Variants in RUFY3 observed in about 807,000 individuals in gnomAD.
The protein encoded by RUFY3 is RUN and FYVE domain containing 3.
A neutral mutation model predicts 84.0 loss-of-function variants in RUFY3; 34 were observed. The ratio of observed to expected loss-of-function variants is 0.40; its 90% CI spans 0.31 to 0.54. The LOEUF is 0.54. RUFY3 is among the 20% of genes least tolerant of loss of function. The pLI is 0.39. For missense variants in RUFY3, 507 were observed against 736.8 expected (o/e 0.69, Z 3.61); for synonymous variants, 242 against 252.9 (o/e 0.96, Z 0.41).
At position 70,804,359 on chromosome 4, in the gene RUFY3, G is replaced by C; in HGVS notation, c.1662G>C (p.Leu554=). 6.2e-7 allele frequency: 1 copy of C among 1,613,984 alleles called. No homozygotes were observed. Among genetic ancestry groups the C allele is most frequent in the Admixed American group, 1.7e-5 (1 of 60,016 alleles). ...PHPMDEQDQL[L]LSEKPQLCQL... The stretch of plus-strand genomic sequence containing the variant: ...CCTGTGTGGTTTAGGATCAGCTGCT[G>C]CTCTCTGAAAAGCCACAGTTGTGTC... Residue 554 remains leucine (L), a synonymous_variant, in exon 17 of 18, where the codon CTG becomes CTC. Coordinates refer to ENST00000381006, the MANE Select transcript of RUFY3 (RefSeq NM_001037442.4).
intron 6 of RUFY3, among the ~76,000 whole-genome samples, chr4:70,774,276 G>A (rs938218276): frequency 2.0e-5 from 3 of 151,904 alleles, no homozygotes; most frequent in East Asian, 3.9e-4. Context: ...GGTTGTAGAC[G>A]TGAACCTTCT....
intron 4 of RUFY3, among the ~76,000 whole-genome samples, chr4:70,767,320 G>T (rs1726145070): frequency 2.1e-5 from 3 of 140,336 alleles, no homozygotes; most frequent in African/African-American, 8.1e-5. Context: ...ATGTTGGTCA[G>T]GCTGGTCTCG....
chr4:70,797,573 G>C (rs542348437), intron 14 of RUFY3, among the ~76,000 whole-genome samples: 5 of 152,096 alleles, frequency 3.3e-5, no homozygotes, highest in African/African-American at 1.2e-4. Flanking sequence ...GGCCAGGCAC[G>C]GTGGCTCACA....
chr4:70,744,358 T>TATGTATG (rs1560482371), intron 1 of RUFY3, among the ~76,000 whole-genome samples: 2,809 of 150,730 alleles, frequency 0.019, 115 homozygotes, highest in African/African-American at 0.064. Flanking sequence ...TGGCTAATTT[T>TATGTATG]TATGTATGTA....
chr4:70,739,828 TAA>T (rs572519160), intron 1 of RUFY3, among the ~76,000 whole-genome samples: 16 of 98,006 alleles, frequency 1.6e-4, no homozygotes, highest in Admixed American at 4.4e-4. Context: ...ACTTAAAGTA[TAA>T]AAAAAAAAAA....
chr4:70,787,188 ATATAT>A lies in RUFY3; in HGVS notation c.1072-1617_1072-1613del, dbSNP rs1372478955. On this transcript the variant is annotated intron_variant, in intron 10 of 17. Transcript: ENST00000381006. Reference sequence around the variant, plus strand: ...TCTCAGAAAAAAAAAAAAAAAAAAAATATATATATATATATATATATATATAAAAA... The same window carrying A: ...TCTCAGAAAAAAAAAAAAAAAAAAAAATATATATATATATATATATAAAAA... Among the ~76,000 whole-genome samples the A allele has an allele frequency of 6.5e-4, 40 of 61,416 alleles. 2 individuals are homozygous for A. The highest frequency in any genetic ancestry group is 2.1e-3 in the African/African-American group (32 of 15,230). 40.3% of individuals were successfully genotyped at this position (61,416 alleles called of 152,430 possible). A position where few individuals can be genotyped will look rare whatever the true frequency, so the allele number is the denominator to read the frequency against.
At chr4:70,803,886 CTT>C (rs917943739) in intron 16 of RUFY3, among the ~76,000 whole-genome samples, 4,017 of 144,822 alleles carry the variant, frequency 0.028, 77 homozygotes, top group Middle Eastern at 0.049. Context: ...CCATGTCCAA[CTT>C]TTTTTTTTTT....
chr4:70,792,266 C>T, intron 12 of RUFY3: 1 of 984,564 alleles, frequency 1.0e-6, no homozygotes, highest in Non-Finnish European at 1.2e-6. Flanking sequence ...TTAAGAGTTT[C>T]TGTTACTTTT....
chr4:70,799,392 T>G (rs957255778), intron 14 of RUFY3: 2 of 150,558 alleles, frequency 1.3e-5, no homozygotes, highest in African/African-American at 4.9e-5. Flanking sequence ...ATACAAAAAT[T>G]AGCTGGGCAT....
chr4:70,707,617 G>A (rs1577873667), intron 1 of RUFY3, among the ~76,000 whole-genome samples: 1 of 151,628 alleles, frequency 6.6e-6, no homozygotes, highest in Non-Finnish European at 1.5e-5. Flanking sequence ...ATAGTTTATT[G>A]ATGTGTATGT....
At chr4:70,726,379 T>C (rs1307609970) in intron 1 of RUFY3, among the ~76,000 whole-genome samples, 2 of 152,190 alleles carry the variant, frequency 1.3e-5, no homozygotes, top group East Asian at 1.9e-4. Flanking sequence ...TTTTCTTTTT[T>C]TTGAGACAGT....
intron 9 of RUFY3, 57 bp downstream of exon 9, chr4:70,783,240 T>G: frequency 9.2e-7 from 1 of 1,084,564 alleles, no homozygotes. Flanking sequence ...TTGTTAGTGG[T>G]AAAGGGGAGT....
intron 1 of RUFY3, among the ~76,000 whole-genome samples, chr4:70,733,089 GAGAGAGGAGAGAGAGAGAGAGAGAGAGA>G: frequency 2.4e-5 from 2 of 84,974 alleles, no homozygotes; most frequent in African/African-American, 1.2e-4. Flanking sequence ...GAGAGAGAGA[GAGAGAGGAGAGAGAGAGAGAGAGAGAGA>G]GAGGGAGGGA....
chr4:70,792,468 T>C, intron 12 of RUFY3: 1 of 985,326 alleles, frequency 1.0e-6, no homozygotes, highest in Non-Finnish European at 1.2e-6. Flanking sequence ...ACTAACCCTT[T>C]CTAGGCTTTA....
chr4:70,716,057 T>G (rs565852437), intron 1 of RUFY3, among the ~76,000 whole-genome samples: 1 of 151,788 alleles, frequency 6.6e-6, no homozygotes, highest in Non-Finnish European at 1.5e-5. Flanking sequence ...GAGGTTGCAA[T>G]GAGCCGAGAT....
intron 1 of RUFY3, among the ~76,000 whole-genome samples, chr4:70,709,957 G>A (rs1560432194): frequency 6.6e-6 from 1 of 152,212 alleles, no homozygotes; most frequent in Non-Finnish European, 1.5e-5. Flanking sequence ...AAGAGGAATA[G>A]AAGAAAAAGA....
intron 8 of RUFY3, among the ~76,000 whole-genome samples, chr4:70,779,378 T>A (rs1205178837): frequency 6.6e-6 from 1 of 152,150 alleles, no homozygotes; most frequent in Non-Finnish European, 1.5e-5. Flanking sequence ...GAAGATCAGA[T>A]AAGAATATGA....
upstream of RUFY3, among the ~76,000 whole-genome samples, chr4:70,716,973 A>G (rs1267337038): frequency 6.6e-6 from 1 of 152,198 alleles, no homozygotes; most frequent in East Asian, 1.9e-4. Flanking sequence ...TATTGCTTAG[A>G]CCTTCATATA....
chr4:70,778,322 A>T, intron 7 of RUFY3, 47 bp from the exon 8 acceptor site: 1 of 940,022 alleles, frequency 1.1e-6, no homozygotes, highest in Non-Finnish European at 1.7e-6. Flanking sequence ...GGTACAGAGT[A>T]TTGTCTGTTT....
Sources: gnomAD v4.1 joint callset for allele counts (sites outside exome capture counted in the v4.1 genomes callset) on GRCh38, gnomAD v4.1.1 for gene constraint, MANE v1.5 for transcripts, NCBI Gene and HGNC (gene_info 2026-07-23, HGNC 2026-07-21) for gene names.